The following ARHGAP26 variants were observed in gnomAD, a reference collection of about 807,000 sequenced individuals.
ARHGAP26 encodes Rho GTPase activating protein 26.
ARHGAP26 carries 38 observed loss-of-function variants against 104.8 expected under a neutral mutation model. The observed-to-expected ratio is 0.36, with a 90% CI of 0.28 to 0.48. The LOEUF (loss-of-function observed/expected upper bound fraction) is 0.48. Among genes scored for constraint, ARHGAP26 ranks in the 20% least tolerant of loss-of-function variants. ARHGAP26 has a pLI of 0.99. For missense variants in ARHGAP26, 704 were observed against 947.9 expected (o/e 0.74, Z 3.38); for synonymous variants, 341 against 340.0 (o/e 1.00, Z -0.03).
At position 143,012,548 on chromosome 5, in the gene ARHGAP26, C is replaced by CATATATATATATATGTATATATAT; in HGVS notation, c.1108-1529_1108-1528insTATATATATATGTATATATATATA. ...CTGGAGGGATATATTTATATACATACATACATATATATATATATATATATA... is the reference window on the plus strand; with the variant it reads ...CTGGAGGGATATATTTATATACATACATATATATATATATGTATATATATATACATATATATATATATATATATA... On this transcript the variant is annotated intron_variant, in intron 11 of 22. Coordinates refer to ENST00000645722, the MANE Select transcript of ARHGAP26 (RefSeq NM_001135608.3). 8.6e-5 allele frequency among the ~76,000 whole-genome samples: 2 copies of CATATATATATATATGTATATATAT among 23,348 alleles called. 1 individual carries two copies. Among genetic ancestry groups the CATATATATATATATGTATATATAT allele is most frequent in the South Asian group, 2.1e-3 (2 of 958 alleles). The allele number at this position is 23,348 out of a possible 152,430, so 15.3% of individuals were successfully genotyped here.
chr5:142,921,833 A>T (rs1002069115), intron 10 of ARHGAP26: 1 of 152,202 alleles, frequency 6.6e-6, no homozygotes, highest in Non-Finnish European at 1.5e-5. Context: ...TTCCCCTCTG[A>T]TGGAGTCCTA....
intron 17 of ARHGAP26, among the ~76,000 whole-genome samples, chr5:143,114,860 C>A (rs1367179616): frequency 6.6e-6 from 1 of 152,136 alleles, no homozygotes; most frequent in Non-Finnish European, 1.5e-5. Context: ...CAGTGGAGTG[C>A]TCAGAACTGT....
chr5:143,215,153 C>T (rs910832747), intron 22 of ARHGAP26, among the ~76,000 whole-genome samples: 2 of 152,242 alleles, frequency 1.3e-5, no homozygotes, highest in East Asian at 1.9e-4. Flanking sequence ...GAATGGGCTG[C>T]GTTGCTTGGG....
chr5:142,828,697 G>C (rs1048551419), intron 1 of ARHGAP26, among the ~76,000 whole-genome samples: 2 of 152,172 alleles, frequency 1.3e-5, no homozygotes, highest in African/African-American at 4.8e-5. Flanking sequence ...TGCTGTGACT[G>C]GGGTAGTCTG....
intron 11 of ARHGAP26, among the ~76,000 whole-genome samples, chr5:142,964,807 C>G (rs166155): frequency 0.38 from 57,894 of 151,964 alleles, 12,320 homozygotes; most frequent in East Asian, 0.78. Context: ...GGGCTTCTCC[C>G]TGTGTGCGGC....
At chr5:142,889,399 G>A (rs1302883243) in intron 5 of ARHGAP26, among the ~76,000 whole-genome samples, 1 of 152,082 alleles carries the variant, frequency 6.6e-6, no homozygotes, top group Non-Finnish European at 1.5e-5. Context: ...GATCACTTGA[G>A]GTCAAGAGTT....
chr5:143,057,925 A>G, intron 17 of ARHGAP26, 178 bp downstream of exon 17: 1 of 711,976 alleles, frequency 1.4e-6, no homozygotes, highest in Non-Finnish European at 2.6e-6. Flanking sequence ...AGCAAATGCC[A>G]GATGGCCTTC....
chr5:143,050,599 A>G (rs917314687), intron 14 of ARHGAP26, among the ~76,000 whole-genome samples: 6 of 152,328 alleles, frequency 3.9e-5, no homozygotes, highest in African/African-American at 1.4e-4. Context: ...TTCTTTCTGA[A>G]GAAATCAAAA....
intron 10 of ARHGAP26, chr5:142,921,430 A>G (rs1763177003): frequency 6.0e-6 from 1 of 166,730 alleles, no homozygotes. Context: ...AGGCCATGGT[A>G]AACTATTGTG....
intron 12 of ARHGAP26, among the ~76,000 whole-genome samples, chr5:143,027,291 C>T (rs1781198898): frequency 6.6e-6 from 1 of 151,580 alleles, no homozygotes; most frequent in Admixed American, 6.6e-5. Flanking sequence ...CGTGCCTCAG[C>T]CTCCCAAGTA....
chr5:142,812,562 T>A (rs1764309353), intron 1 of ARHGAP26, among the ~76,000 whole-genome samples: 1 of 152,122 alleles, frequency 6.6e-6, no homozygotes, highest in Non-Finnish European at 1.5e-5. Flanking sequence ...GGTCTCGAAC[T>A]CCTAGCCTCA....
intron 1 of ARHGAP26, among the ~76,000 whole-genome samples, chr5:142,836,009 C>G (rs1050308862): frequency 6.6e-6 from 1 of 152,180 alleles, no homozygotes; most frequent in Admixed American, 6.5e-5. Flanking sequence ...AGGATTTAAA[C>G]CCAGGCCAGG....
chr5:143,023,071 CACTG>C lies in ARHGAP26; in HGVS notation c.1144+8960_1144+8963del, dbSNP rs531152687. Among the ~76,000 whole-genome samples, 60 of 152,368 alleles carry C rather than the reference CACTG, an allele frequency of 3.9e-4. 1 individual carries two copies. In the South Asian group the frequency reaches 0.012, roughly 31 times the overall value. ...CTGGGTGCACAAGGGTCACGCATTTCACTGACTGGCTTCCCCAGGGTCAGACCCT... is the reference window on the plus strand; with the variant it reads ...CTGGGTGCACAAGGGTCACGCATTTCACTGGCTTCCCCAGGGTCAGACCCT... On this transcript the variant is annotated intron_variant, in intron 12 of 22. Transcript: ENST00000645722.
chr5:142,836,182 G>C (rs1292928465), intron 1 of ARHGAP26, among the ~76,000 whole-genome samples: 1 of 152,142 alleles, frequency 6.6e-6, no homozygotes, highest in Admixed American at 6.5e-5. Context: ...CTGGGCAGGG[G>C]CTCTGAACTG....
chr5:142,923,983 T>A (rs1258944279), intron 10 of ARHGAP26, among the ~76,000 whole-genome samples: 4 of 147,414 alleles, frequency 2.7e-5, no homozygotes, highest in Non-Finnish European at 4.5e-5. Context: ...TGCCTCAGCC[T>A]CCCAAGTAGC....
rs1767565335 is a variant in ARHGAP26 at position 142,948,723 on chromosome 5, C to T, written c.1107+16598C>T. Among the ~76,000 whole-genome samples, 4 of 151,452 alleles carry T rather than the reference C, an allele frequency of 2.6e-5. No individual in the cohort carries two copies. The South Asian group carries it at 8.3e-4, about 32-fold the overall frequency. On this transcript the variant is annotated intron_variant, in intron 11 of 22. Transcript: ENST00000645722. Reference sequence around the variant, plus strand: ...AAAGCAAGAAAACAAAATAATAATACTTTAAAAATCTTAGGACTTAAAATT... The same window carrying T: ...AAAGCAAGAAAACAAAATAATAATATTTTAAAAATCTTAGGACTTAAAATT...
At chr5:143,041,789 T>G (rs766860436) in intron 13 of ARHGAP26, 27 bp from the exon 14 acceptor site, 2 of 1,582,696 alleles carry the variant, frequency 1.3e-6, no homozygotes, top group Non-Finnish European at 1.7e-6. Flanking sequence ...GTGCCTCTAA[T>G]TAAATCATCA....
At chr5:143,117,157 G>A (rs1795564042) in intron 17 of ARHGAP26, among the ~76,000 whole-genome samples, 1 of 152,074 alleles carries the variant, frequency 6.6e-6, no homozygotes, top group Non-Finnish European at 1.5e-5. Flanking sequence ...TTTAAGTCAA[G>A]ACTCAACATG....
intron 11 of ARHGAP26, among the ~76,000 whole-genome samples, chr5:142,975,128 C>T (rs768041356): frequency 2.6e-5 from 4 of 152,082 alleles, no homozygotes; most frequent in Non-Finnish European, 5.9e-5. Context: ...GGAGGGGAGG[C>T]AGGTTTGTAA....
Sources: allele counts gnomAD v4.1 joint callset (sites outside exome capture counted in the v4.1 genomes callset), GRCh38; gene constraint gnomAD v4.1.1; transcripts MANE v1.5; gene names NCBI Gene and HGNC (gene_info 2026-07-23, HGNC 2026-07-21).